The following SGCD variants were observed in gnomAD, a reference collection of about 807,000 sequenced individuals.
The protein encoded by SGCD is sarcoglycan delta, also known as delta-sarcoglycan.
SGCD carries 18 observed loss-of-function variants against 36.6 expected under a neutral mutation model. The observed-to-expected ratio is 0.49, with a 90% CI of 0.34 to 0.73. The LOEUF (loss-of-function observed/expected upper bound fraction) is 0.73. SGCD is among the 30% of genes least tolerant of loss of function. The probability of loss-of-function intolerance (pLI) is 0.01; values close to 1 mark genes in which losing one functional copy is unlikely to be tolerated. For synonymous variants in SGCD, 133 were observed against 130.6 expected (o/e 1.02, Z -0.12); for missense variants, 387 against 346.7 (o/e 1.12, Z -0.92).
At chr5:155,731,252 G>A in the SGCD span, among the ~76,000 whole-genome samples, 1 of 151,624 alleles carries the variant, frequency 6.6e-6, no homozygotes, top group African/African-American at 2.4e-5. Flanking sequence ...AATAAGAGGA[G>A]GCAAGAGTGG....
chr5:156,191,105 C>T (rs748219671), intron 3 of SGCD, among the ~76,000 whole-genome samples: 8 of 152,036 alleles, frequency 5.3e-5, no homozygotes, highest in Middle Eastern at 3.4e-3. Context: ...TAGATGGGAA[C>T]GAAGTGGTGT....
At chr5:156,406,512 C>T (rs539432874) in intron 3 of SGCD, among the ~76,000 whole-genome samples, 4 of 152,052 alleles carry the variant, frequency 2.6e-5, no homozygotes, top group African/African-American at 4.8e-5. Flanking sequence ...TCTCCAGTCT[C>T]GTTCACCCAG....
chr5:156,148,183 ACT>A (rs767105318), intron 3 of SGCD, among the ~76,000 whole-genome samples: 3 of 152,156 alleles, frequency 2.0e-5, no homozygotes, highest in Non-Finnish European at 4.4e-5. Context: ...AACAACAAAA[ACT>A]CTATAAGGAA....
chr5:155,729,978 C>T, the SGCD span, among the ~76,000 whole-genome samples: 1 of 152,188 alleles, frequency 6.6e-6, no homozygotes. Context: ...CATAGTTTCG[C>T]TCCTCTGTAC....
intron 5 of SGCD, among the ~76,000 whole-genome samples, chr5:156,590,363 C>A (rs996194669): frequency 7.2e-5 from 11 of 152,084 alleles, no homozygotes; most frequent in Non-Finnish European, 1.3e-4. Context: ...TGACTTGGAC[C>A]ATCTGCCAAT....
chr5:156,243,106 G>A (rs1299951280), intron 3 of SGCD, among the ~76,000 whole-genome samples: 3 of 152,218 alleles, frequency 2.0e-5, no homozygotes, highest in Non-Finnish European at 2.9e-5. Context: ...CCTGGCATGG[G>A]ATATTGGAGC....
the SGCD span, among the ~76,000 whole-genome samples, chr5:155,835,876 C>T: frequency 6.6e-6 from 1 of 152,102 alleles, no homozygotes; most frequent in Non-Finnish European, 1.5e-5. Flanking sequence ...AATCCTGTGC[C>T]GTTCCCTTCC....
At chr5:156,078,520 AAT>A (rs199720918) in intron 1 of SGCD, among the ~76,000 whole-genome samples, 2,157 of 125,476 alleles carry the variant, frequency 0.017, 44 homozygotes, top group African/African-American at 0.061. Flanking sequence ...CAAAAAAAAA[AAT>A]ATATATATAT....
intron 4 of SGCD, among the ~76,000 whole-genome samples, chr5:156,534,889 A>AATGTTGTGGG (rs1758034189): frequency 6.6e-6 from 1 of 152,216 alleles, no homozygotes; most frequent in African/African-American, 2.4e-5. Context: ...GCTTCGTGAT[A>AATGTTGTGGG]GAAGAAAGCC....
the SGCD span, among the ~76,000 whole-genome samples, chr5:155,733,858 G>A: frequency 2.0e-5 from 3 of 151,942 alleles, no homozygotes. Flanking sequence ...GACAGTAATA[G>A]GTTGTCTTAT....
chr5:156,264,937 A>G lies in SGCD; in HGVS notation c.-43-64597A>G, dbSNP rs113455268. Among the ~76,000 whole-genome samples, 459 of 152,290 alleles carry G rather than the reference A, an allele frequency of 3.0e-3. 3 individuals carry two copies. The highest frequency in any genetic ancestry group is 0.01 in the African/African-American group (435 of 41,568). On this transcript the variant is annotated intron_variant, in intron 3 of 9. Coordinates refer to the SGCD transcript ENST00000517913. ...TCCAAACTCTGCAGCTGGAATGAGA[A>G]GCAGAGAGCATATTAGAACATGTTA...
chr5:156,672,258 A>G (rs896983445), intron 7 of SGCD, among the ~76,000 whole-genome samples: 3 of 152,170 alleles, frequency 2.0e-5, no homozygotes, highest in Admixed American at 1.3e-4. Flanking sequence ...AAGTTTTCAT[A>G]TAATTCCATT....
chr5:156,077,908 C>A (rs1361259350), intron 1 of SGCD, among the ~76,000 whole-genome samples: 4 of 152,138 alleles, frequency 2.6e-5, no homozygotes, highest in African/African-American at 9.7e-5. Flanking sequence ...CTGTTTTAGG[C>A]TTTAGAGAAG....
chr5:156,033,917 C>A (rs1362028781), intron 1 of SGCD, among the ~76,000 whole-genome samples: 1 of 152,074 alleles, frequency 6.6e-6, no homozygotes, highest in Non-Finnish European at 1.5e-5. Context: ...AGATGCCAGC[C>A]AAATCAAACT....
At chr5:156,501,233 C>A (rs1427870229) in intron 3 of SGCD, among the ~76,000 whole-genome samples, 1 of 152,136 alleles carries the variant, frequency 6.6e-6, no homozygotes, top group Non-Finnish European at 1.5e-5. Flanking sequence ...CCTTTCCCAG[C>A]ACATCTAGCA....
intron 4 of SGCD, among the ~76,000 whole-genome samples, chr5:156,580,529 G>C (rs1193148330): frequency 6.6e-6 from 1 of 152,242 alleles, no homozygotes; most frequent in South Asian, 2.1e-4. Context: ...GTCACTTTCA[G>C]GTACACCAAT....
Position 156,155,965 on chromosome 5 carries a change from T to C in SGCD, c.-44+31946T>C, listed in dbSNP as rs999205750. Among the ~76,000 whole-genome samples, 4 of 151,574 alleles carry C rather than the reference T, an allele frequency of 2.6e-5. 1 individual carries two copies. The highest frequency in any genetic ancestry group is 9.8e-5 in the African/African-American group (4 of 40,906). On this transcript the variant is annotated intron_variant, in intron 3 of 9. Transcript: ENST00000517913. ...GTTTTTGCTTCGTGTGGCAGGAGAGTATTCCAAAAAGCTATCAAAAAATCA... is the reference window on the plus strand; with the variant it reads ...GTTTTTGCTTCGTGTGGCAGGAGAGCATTCCAAAAAGCTATCAAAAAATCA...
intron 3 of SGCD, among the ~76,000 whole-genome samples, chr5:156,360,076 C>A (rs537643579): frequency 1.3e-5 from 2 of 152,212 alleles, no homozygotes; most frequent in African/African-American, 4.8e-5. Flanking sequence ...CAGACAGGGG[C>A]GGGTCCCCAC....
intron 7 of SGCD, among the ~76,000 whole-genome samples, chr5:156,705,668 A>C (rs912009690): frequency 6.6e-6 from 1 of 152,136 alleles, no homozygotes; most frequent in African/African-American, 2.4e-5. Flanking sequence ...TGTACTGATT[A>C]AGAAGAACTC....
Sources: allele counts gnomAD v4.1 joint callset (sites outside exome capture counted in the v4.1 genomes callset), GRCh38; gene constraint gnomAD v4.1.1; transcripts MANE v1.5; gene names NCBI Gene and HGNC (gene_info 2026-07-23, HGNC 2026-07-21).